Variants in FAM168A observed in about 807,000 individuals in gnomAD.
FAM168A encodes the protein family with sequence similarity 168 member A.
A neutral mutation model predicts 28.5 loss-of-function variants in FAM168A; 3 were observed. The ratio of observed to expected loss-of-function variants is 0.11; its 90% CI spans 0.05 to 0.27. The LOEUF is 0.27. Among genes scored for constraint, FAM168A ranks in the 10% least tolerant of loss-of-function variants. The probability of loss-of-function intolerance (pLI) is 1.00; values close to 1 mark genes in which losing one functional copy is unlikely to be tolerated. For synonymous variants in FAM168A, 122 were observed against 124.2 expected, an observed-to-expected ratio of 0.98 and a Z score of 0.12; for missense variants, 222 against 311.5, an observed-to-expected ratio of 0.71 and a Z score of 2.16.
chr11:73,485,437 T>G (rs1189605926), intron 1 of FAM168A, among the ~76,000 whole-genome samples: 2 of 152,182 alleles, frequency 1.3e-5, no homozygotes, highest in Non-Finnish European at 2.9e-5. Context: ...CTTTTGAATA[T>G]TCAAACACTT....
At chr11:73,455,158 G>A (rs767370390) in intron 2 of FAM168A, among the ~76,000 whole-genome samples, 7 of 152,230 alleles carry the variant, frequency 4.6e-5, no homozygotes, top group East Asian at 1.9e-4. Context: ...CTTGGGGCCC[G>A]CACAGAGTTC....
At chr11:73,447,423 C>T (rs11235757) in intron 2 of FAM168A, among the ~76,000 whole-genome samples, 4,857 of 151,788 alleles carry the variant, frequency 0.032, 261 homozygotes, top group African/African-American at 0.11. Flanking sequence ...CACAGCAGTG[C>T]GCATCTGTAT....
chr11:73,572,308 C>T (rs1944109145), intron 1 of FAM168A, among the ~76,000 whole-genome samples: 1 of 152,200 alleles, frequency 6.6e-6, no homozygotes, highest in African/African-American at 2.4e-5. Flanking sequence ...AGGGGCGCCT[C>T]TGCCTGGCCG....
chr11:73,489,755 C>T (rs1868104140), intron 1 of FAM168A, among the ~76,000 whole-genome samples: 1 of 152,174 alleles, frequency 6.6e-6, no homozygotes, highest in Non-Finnish European at 1.5e-5. Context: ...AAGTAATCTG[C>T]CCGCCTCAGC....
At chr11:73,547,097 AAAAG>A (rs1390149567) in intron 1 of FAM168A, among the ~76,000 whole-genome samples, 56 of 151,150 alleles carry the variant, frequency 3.7e-4, no homozygotes, top group Non-Finnish European at 7.5e-4. Flanking sequence ...AAAAAAAAAA[AAAAG>A]AAAGAAAGAA....
chr11:73,575,089 A>C (rs1944155820), intron 1 of FAM168A, among the ~76,000 whole-genome samples: 1 of 152,172 alleles, frequency 6.6e-6, no homozygotes, highest in African/African-American at 2.4e-5. Flanking sequence ...AGGGTTATCC[A>C]ATGATGGTCA....
chr11:73,589,007 C>T (rs1402143780), intron 1 of FAM168A, among the ~76,000 whole-genome samples: 1 of 152,034 alleles, frequency 6.6e-6, no homozygotes, highest in Non-Finnish European at 1.5e-5. Context: ...GTAAGAGAGC[C>T]CTAACCAAAA....
intron 1 of FAM168A, among the ~76,000 whole-genome samples, chr11:73,574,255 C>A (rs758558766): frequency 1.3e-5 from 2 of 152,180 alleles, no homozygotes; most frequent in Admixed American, 6.5e-5. Flanking sequence ...TTGATCTTCA[C>A]AACAGATGGG....
At chr11:73,445,420 T>TCTCTC (rs1491524717) in intron 2 of FAM168A, among the ~76,000 whole-genome samples, 3 of 19,158 alleles carry the variant, frequency 1.6e-4, no homozygotes, top group African/African-American at 7.7e-4. Context: ...AAAATGTCTC[T>TCTCTC]TTTTTTTTTT....
chr11:73,476,481 C>A (rs1232969659), intron 1 of FAM168A, among the ~76,000 whole-genome samples: 2 of 151,744 alleles, frequency 1.3e-5, no homozygotes, highest in Non-Finnish European at 2.9e-5. Context: ...TGGGTGGAAT[C>A]CGAATCAAGA....
chr11:73,523,709 A>C (rs1486645222), intron 1 of FAM168A, among the ~76,000 whole-genome samples: 1 of 151,974 alleles, frequency 6.6e-6, no homozygotes, highest in Non-Finnish European at 1.5e-5. Flanking sequence ...TCAGCCTCCC[A>C]AAGTGCTTGG....
intron 1 of FAM168A, among the ~76,000 whole-genome samples, chr11:73,581,995 G>A (rs1231199058): frequency 6.6e-6 from 1 of 151,932 alleles, no homozygotes; most frequent in Non-Finnish European, 1.5e-5. Flanking sequence ...GGGATTACAG[G>A]CATGAGCCAC....
chr11:73,497,002 G>C (rs972847800), intron 1 of FAM168A, among the ~76,000 whole-genome samples: 1 of 151,864 alleles, frequency 6.6e-6, no homozygotes, highest in African/African-American at 2.4e-5. Context: ...AATTCCCCAC[G>C]TATTTTTGAA....
At chr11:73,515,120 C>G (rs550506159) in intron 1 of FAM168A, among the ~76,000 whole-genome samples, 6 of 152,308 alleles carry the variant, frequency 3.9e-5, no homozygotes, top group African/African-American at 1.2e-4. Context: ...AAATAGCTCC[C>G]TCTGGCCCAT....
chr11:73,449,816 TCTC>T (rs1156415525), intron 2 of FAM168A, among the ~76,000 whole-genome samples: 2 of 152,182 alleles, frequency 1.3e-5, no homozygotes, highest in Non-Finnish European at 2.9e-5. Context: ...GGCCAAAGCT[TCTC>T]CTTGGTAGAC....
At chr11:73,484,414 C>T (rs1868010038) in intron 1 of FAM168A, among the ~76,000 whole-genome samples, 1 of 151,168 alleles carries the variant, frequency 6.6e-6, no homozygotes, top group Admixed American at 6.6e-5. Context: ...CCCCAGGGTA[C>T]AGCACAGGAC....
chr11:73,581,480 T>G (rs1316724431), intron 1 of FAM168A, among the ~76,000 whole-genome samples: 1 of 152,158 alleles, frequency 6.6e-6, no homozygotes, highest in Non-Finnish European at 1.5e-5. Context: ...GGGAAAAAAC[T>G]GAGATTCACA....
intron 1 of FAM168A, among the ~76,000 whole-genome samples, chr11:73,584,073 C>T (rs1005597091): frequency 2.0e-5 from 3 of 152,112 alleles, no homozygotes; most frequent in South Asian, 4.1e-4. Flanking sequence ...TAAAAACACT[C>T]CTTTGCTTCT....
chr11:73,542,105 C>T (rs141305897), intron 1 of FAM168A, among the ~76,000 whole-genome samples: 21 of 152,100 alleles, frequency 1.4e-4, no homozygotes, highest in Admixed American at 6.5e-5. Flanking sequence ...TTTGGCAGTC[C>T]GATCTCTTCT....
Sources: allele counts gnomAD v4.1 joint callset (sites outside exome capture counted in the v4.1 genomes callset), GRCh38; gene constraint gnomAD v4.1.1; transcripts MANE v1.5; gene names NCBI Gene and HGNC (gene_info 2026-07-23, HGNC 2026-07-21).